CSMD3: variants seen among roughly 807,000 people sequenced by gnomAD.
CSMD3 encodes CUB and sushi domain-containing protein 3.
A neutral mutation model predicts 435.2 loss-of-function variants in CSMD3; 177 were observed. That is an observed-to-expected ratio of 0.41 (90% CI 0.36 to 0.46). CSMD3 has a LOEUF of 0.46. Ranked by LOEUF, CSMD3 falls within the 20% of genes least tolerant of loss-of-function variation. The pLI, the probability that CSMD3 is intolerant of heterozygous loss-of-function variation, is 0.34. For missense variants in CSMD3, 4,265 were observed against 4,504.6 expected (o/e 0.95, Z 1.52); for synonymous variants, 1,656 against 1,520.5 (o/e 1.09, Z -2.07).
intron 3 of CSMD3, among the ~76,000 whole-genome samples, chr8:113,197,891 A>G (rs1316742330): frequency 4.0e-5 from 6 of 151,314 alleles, no homozygotes; most frequent in Non-Finnish European, 5.9e-5. Context: ...CTAAATGGAG[A>G]GAATGTTTTA....
Position 112,693,328 on chromosome 8 carries a change from C to G in CSMD3, c.1973-3278G>C, listed in dbSNP as rs2076179705. Among the ~76,000 whole-genome samples, 5 of 152,110 alleles carry G rather than the reference C, an allele frequency of 3.3e-5. No individual in the cohort carries two copies. In the South Asian group the frequency reaches 1.0e-3, roughly 32 times the overall value. Reference sequence around the variant, plus strand: ...CTAGGTTCAGTTTATTACTCTTATACCTTCTTCGAAAAATTGTTTCTGTTA... The same window carrying G: ...CTAGGTTCAGTTTATTACTCTTATAGCTTCTTCGAAAAATTGTTTCTGTTA... On this transcript the variant is annotated intron_variant, in intron 13 of 70. Coordinates refer to ENST00000297405, the MANE Select transcript of CSMD3 (RefSeq NM_198123.2).
At chr8:112,930,483 C>G (rs1312128879) in intron 9 of CSMD3, among the ~76,000 whole-genome samples, 1 of 152,018 alleles carries the variant, frequency 6.6e-6, no homozygotes, top group Non-Finnish European at 1.5e-5. Flanking sequence ...TAGTTAAAGT[C>G]AAATCCACCT....
chr8:112,461,240 G>A (rs1262060521), intron 32 of CSMD3, among the ~76,000 whole-genome samples: 8 of 152,038 alleles, frequency 5.3e-5, no homozygotes, highest in Non-Finnish European at 8.8e-5. Context: ...AAAAGACTCC[G>A]CCTGTGGCAT....
At chr8:112,893,950 A>G (rs943685936) in intron 10 of CSMD3, among the ~76,000 whole-genome samples, 1 of 118,530 alleles carries the variant, frequency 8.4e-6, no homozygotes, top group Non-Finnish European at 1.7e-5. Flanking sequence ...AGGAGCAGAA[A>G]TGGGCTACAA....
chr8:112,598,354 C>T (rs1327565408), intron 22 of CSMD3, among the ~76,000 whole-genome samples: 5 of 151,262 alleles, frequency 3.3e-5, no homozygotes, highest in Admixed American at 1.3e-4. Flanking sequence ...AACCACTTCT[C>T]GAAGAAATAA....
chr8:112,975,342 T>C (rs1447007785), intron 7 of CSMD3, among the ~76,000 whole-genome samples: 1 of 152,108 alleles, frequency 6.6e-6, no homozygotes, highest in Non-Finnish European at 1.5e-5. Context: ...CCAGATATAA[T>C]GTTTCTATGT....
intron 13 of CSMD3, among the ~76,000 whole-genome samples, chr8:112,755,481 G>A (rs1302543130): frequency 1.3e-5 from 2 of 151,350 alleles, no homozygotes; most frequent in Admixed American, 6.6e-5. Flanking sequence ...CCTTGCTGCC[G>A]CCATTTGAAG....
chr8:112,424,252 A>G (rs534962214), intron 32 of CSMD3, among the ~76,000 whole-genome samples: 2 of 152,310 alleles, frequency 1.3e-5, no homozygotes, highest in South Asian at 4.1e-4. Context: ...GATTGCAAAA[A>G]ACAACAACAA....
intron 2 of CSMD3, chr8:113,312,516 C>G (rs1563685762): frequency 6.6e-6 from 1 of 152,048 alleles, no homozygotes; most frequent in Non-Finnish European, 1.5e-5. Flanking sequence ...TTTTTAACTT[C>G]CCAGAGGCCA....
intron 61 of CSMD3, among the ~76,000 whole-genome samples, chr8:112,258,663 T>G (rs1467991616): frequency 6.6e-6 from 1 of 152,138 alleles, no homozygotes; most frequent in African/African-American, 2.4e-5. Flanking sequence ...ATAGGAACGC[T>G]TTTACACTGT....
chr8:112,291,725 G>A (rs2130679861), intron 55 of CSMD3, 30 bp from the exon 56 acceptor site: 1 of 1,466,532 alleles, frequency 6.8e-7, no homozygotes, highest in South Asian at 1.1e-5. Flanking sequence ...TGAAACATAT[G>A]TTTGGAATAA....
chr8:113,046,911 T>A (rs186778090), intron 5 of CSMD3, among the ~76,000 whole-genome samples: 1 of 152,324 alleles, frequency 6.6e-6, no homozygotes. Flanking sequence ...GCTAAGCAGG[T>A]CCTGGGAGAG....
chr8:113,247,818 A>G (rs1050033337), intron 3 of CSMD3, among the ~76,000 whole-genome samples: 1 of 152,118 alleles, frequency 6.6e-6, no homozygotes, highest in Admixed American at 6.6e-5. Context: ...AATTAAATCA[A>G]TATTTAAGGG....
chr8:113,158,882 TA>T (rs982734895), intron 4 of CSMD3, among the ~76,000 whole-genome samples: 2 of 152,140 alleles, frequency 1.3e-5, no homozygotes, highest in South Asian at 2.1e-4. Flanking sequence ...TTGCAACATT[TA>T]GGGGGAAATG....
chr8:112,515,724 A>AT (rs1220469980), intron 28 of CSMD3, among the ~76,000 whole-genome samples: 49 of 152,022 alleles, frequency 3.2e-4, no homozygotes, highest in Non-Finnish European at 4.4e-5. Flanking sequence ...CATTTGTCTT[A>AT]TTTTTTACAG....
intron 32 of CSMD3, among the ~76,000 whole-genome samples, chr8:112,466,401 T>C (rs1350500452): frequency 1.3e-5 from 2 of 152,160 alleles, no homozygotes; most frequent in East Asian, 3.9e-4. Context: ...TGTTGCTGAA[T>C]TGTTAAAAAA....
At chr8:112,331,498 G>A (rs912333023) in intron 45 of CSMD3, among the ~76,000 whole-genome samples, 2 of 151,938 alleles carry the variant, frequency 1.3e-5, no homozygotes, top group Admixed American at 1.3e-4. Flanking sequence ...CGAAGGTGAT[G>A]TTTTATAAAA....
intron 4 of CSMD3, among the ~76,000 whole-genome samples, chr8:113,153,101 A>AAAGAAAGAAAAG (rs35085690): frequency 1.1e-3 from 108 of 100,042 alleles, no homozygotes; most frequent in Middle Eastern, 4.3e-3. Flanking sequence ...AGAAAGAAAG[A>AAAGAAAGAAAAG]AAAGAAAGAA....
chr8:113,019,817 G>A (rs1187165907), intron 5 of CSMD3, among the ~76,000 whole-genome samples: 1 of 151,898 alleles, frequency 6.6e-6, no homozygotes, highest in Non-Finnish European at 1.5e-5. Context: ...AACAAGCATT[G>A]CTTTTATGTA....
Sources: gnomAD v4.1 joint callset for allele counts (sites outside exome capture counted in the v4.1 genomes callset) on GRCh38, gnomAD v4.1.1 for gene constraint, MANE v1.5 for transcripts, NCBI Gene and HGNC (gene_info 2026-07-23, HGNC 2026-07-21) for gene names.